The following ARHGEF28 variants were observed in gnomAD, a reference collection of about 807,000 sequenced individuals.
ARHGEF28 encodes the protein Rho guanine nucleotide exchange factor 28, also known as 190 kDa guanine nucleotide exchange factor.
ARHGEF28 carries 152 observed loss-of-function variants against 206.6 expected under a neutral mutation model. The ratio of observed to expected loss-of-function variants is 0.74; its 90% CI spans 0.64 to 0.84. The LOEUF (loss-of-function observed/expected upper bound fraction) is 0.84, where lower values mean the gene tolerates loss of function less well. ARHGEF28 is among the 40% of genes least tolerant of loss of function. The pLI is 0.00. For synonymous variants in ARHGEF28, 763 were observed against 776.4 expected, an observed-to-expected ratio of 0.98 and a Z score of 0.29; for missense variants, 2,028 against 2,073.2, an observed-to-expected ratio of 0.98 and a Z score of 0.42.
At chr5:73,929,911 T>C (rs1158193590) in intron 35 of ARHGEF28, among the ~76,000 whole-genome samples, 1 of 152,222 alleles carries the variant, frequency 6.6e-6, no homozygotes, top group Non-Finnish European at 1.5e-5. Context: ...TAAATATATA[T>C]GTACTTTCTG....
At chr5:73,819,532 T>C (rs1046791529) in intron 9 of ARHGEF28, among the ~76,000 whole-genome samples, 2 of 152,212 alleles carry the variant, frequency 1.3e-5, no homozygotes, top group Admixed American at 1.3e-4. Context: ...CTTTCTTGGA[T>C]GGCAGTGTCT....
At position 73,834,548 on chromosome 5, in the gene ARHGEF28, G is replaced by C. The variant is rs1309747304; in HGVS notation, c.1146+2089G>C. 5.6e-5 allele frequency among the ~76,000 whole-genome samples: 8 copies of C among 142,912 alleles called. No individual in the cohort carries two copies. In the South Asian group the frequency reaches 8.7e-4, roughly 16 times the overall value. The allele number at this position is 142,912 out of a possible 152,430, so 93.8% of individuals were successfully genotyped here. ...CTAGGGCTGAATAATATTCCTGTGT[G>C]TGTGTGTGTGTGTGTGTGTGTGTGT... On this transcript the variant is annotated intron_variant, in intron 10 of 35. Transcript: ENST00000513042.
intron 4 of ARHGEF28, among the ~76,000 whole-genome samples, chr5:73,755,352 A>G (rs6891175): frequency 0.33 from 50,617 of 151,792 alleles, 9,311 homozygotes; most frequent in African/African-American, 0.49. Flanking sequence ...AAGACACAAA[A>G]GTTTCATGAT....
chr5:73,915,845 C>G (rs1186044993), intron 35 of ARHGEF28, among the ~76,000 whole-genome samples: 1 of 152,016 alleles, frequency 6.6e-6, no homozygotes, highest in African/African-American at 2.4e-5. Flanking sequence ...TGCAGGTTTC[C>G]CAAAAGTTCT....
chr5:73,863,840 C>A (rs115584581), intron 16 of ARHGEF28, among the ~76,000 whole-genome samples: 17 of 151,990 alleles, frequency 1.1e-4, no homozygotes, highest in Admixed American at 4.6e-4. Context: ...CGGGCCAATG[C>A]ATAGATTAGC....
intron 16 of ARHGEF28, among the ~76,000 whole-genome samples, chr5:73,860,637 AAT>A (rs1196437840): frequency 6.6e-6 from 1 of 152,168 alleles, no homozygotes; most frequent in Non-Finnish European, 1.5e-5. Flanking sequence ...CGCCTTCTAG[AAT>A]ACTGGGAGGG....
rs1429728608 is a variant in ARHGEF28, at chr5:73,748,826, A to T, written c.34-1011A>T. 3.9e-5 allele frequency among the ~76,000 whole-genome samples: 6 copies of T among 152,034 alleles called. No individual in the cohort carries two copies. The East Asian group carries it at 1.2e-3, about 29-fold the overall frequency. ...TCTCTCTCTGGAGGCCCCACTTTGTATTGCTTTTTGTGTTTTCGGTAGGGA... is the reference window on the plus strand; with the variant it reads ...TCTCTCTCTGGAGGCCCCACTTTGTTTTGCTTTTTGTGTTTTCGGTAGGGA... On this transcript the variant is annotated intron_variant, in intron 2 of 35. Coordinates refer to ENST00000513042, the MANE Select transcript of ARHGEF28 (RefSeq NM_001177693.2).
chr5:73,788,306 C>G (rs930480301), intron 7 of ARHGEF28, among the ~76,000 whole-genome samples: 1 of 152,116 alleles, frequency 6.6e-6, no homozygotes, highest in Admixed American at 6.6e-5. Context: ...CATTGATTAA[C>G]TTAGGAAAAT....
At chr5:73,923,050 G>C in intron 35 of ARHGEF28, 1 of 1,516,954 alleles carries the variant, frequency 6.6e-7, no homozygotes, top group Non-Finnish European at 8.8e-7. Context: ...TGGTCTGTTA[G>C]TCAGCATCTG....
intron 35 of ARHGEF28, among the ~76,000 whole-genome samples, chr5:73,931,937 T>G (rs780189456): frequency 6.6e-6 from 1 of 152,240 alleles, no homozygotes; most frequent in Non-Finnish European, 1.5e-5. Context: ...CATTATGTTG[T>G]TTTTGTAATT....
intron 4 of ARHGEF28, among the ~76,000 whole-genome samples, chr5:73,766,765 C>G (rs932832356): frequency 6.6e-6 from 1 of 152,226 alleles, no homozygotes; most frequent in Admixed American, 6.5e-5. Flanking sequence ...TAAGTTATTA[C>G]CACCATTTTT....
At chr5:73,883,271 CT>C (rs1439691334) in intron 23 of ARHGEF28, among the ~76,000 whole-genome samples, 1 of 151,982 alleles carries the variant, frequency 6.6e-6, no homozygotes, top group East Asian at 1.9e-4. Flanking sequence ...ATTCTCTTCC[CT>C]TTTTTACCAC....
intron 9 of ARHGEF28, chr5:73,813,502 T>A: frequency 6.6e-7 from 1 of 1,519,988 alleles, no homozygotes; most frequent in Non-Finnish European, 8.8e-7. Flanking sequence ...TTACATCACA[T>A]GGGGAGGCTT....
At chr5:73,884,290 A>C (rs1172866455) in intron 24 of ARHGEF28, among the ~76,000 whole-genome samples, 1 of 152,210 alleles carries the variant, frequency 6.6e-6, no homozygotes, top group Non-Finnish European at 1.5e-5. Flanking sequence ...GAGGGATTAT[A>C]AGAAGGATCT....
At chr5:73,937,534 A>T (rs187164696) in intron 35 of ARHGEF28, among the ~76,000 whole-genome samples, 77 of 152,344 alleles carry the variant, frequency 5.1e-4, no homozygotes, top group African/African-American at 1.7e-3. Flanking sequence ...GTGTTGAGAT[A>T]CTTGGCTGAA....
At chr5:73,708,683 A>G (rs1749077942) in intron 2 of ARHGEF28, among the ~76,000 whole-genome samples, 1 of 152,196 alleles carries the variant, frequency 6.6e-6, no homozygotes, top group African/African-American at 2.4e-5. Flanking sequence ...GTGCATGTAT[A>G]TCTTTTTGGT....
chr5:73,809,290 AT>A (rs1331778951), intron 9 of ARHGEF28, among the ~76,000 whole-genome samples: 1 of 152,216 alleles, frequency 6.6e-6, no homozygotes, highest in Non-Finnish European at 1.5e-5. Flanking sequence ...TACATTCAAC[AT>A]TTAAAGCTTG....
intron 2 of ARHGEF28, among the ~76,000 whole-genome samples, chr5:73,710,816 C>T (rs917951804): frequency 1.6e-4 from 25 of 152,094 alleles, no homozygotes; most frequent in Middle Eastern, 3.2e-3. Context: ...GATTCTACCA[C>T]CTCAGCTTCC....
chr5:73,882,531 T>A lies in ARHGEF28; in HGVS notation c.2874T>A (p.His958Gln), dbSNP rs1438257809. ...KKIYGEFCCHHKEAVNLFKEL... is the reference protein window; with the variant it reads ...KKIYGEFCCHQKEAVNLFKEL... The stretch of plus-strand genomic sequence containing the variant: ...TATATGGAGAATTCTGTTGCCATCA[T>A]AAAGAAGCTGTTAACCTCTTTAAAG... Residue 958 changes from histidine to glutamine, a missense_variant, in exon 23 of 36, where the codon CAT becomes CAA. Transcript: ENST00000513042. 1 of 1,514,666 alleles carries A rather than the reference T, an allele frequency of 6.6e-7. No individual in the cohort carries two copies. The highest frequency in any genetic ancestry group is 8.9e-7 in the Non-Finnish European group (1 of 1,122,370). The allele number at this position is 1,514,666 out of a possible 1,614,324, so 93.8% of individuals were successfully genotyped here. A position where few individuals can be genotyped will look rare whatever the true frequency, so the allele number is the denominator to read the frequency against.
Sources: gnomAD v4.1 joint callset for allele counts (sites outside exome capture counted in the v4.1 genomes callset) on GRCh38, gnomAD v4.1.1 for gene constraint, MANE v1.5 for transcripts, NCBI Gene and HGNC (gene_info 2026-07-23, HGNC 2026-07-21) for gene names.